Variants in CSMD1 observed in about 807,000 individuals in gnomAD.
CSMD1 encodes the protein CUB and Sushi multiple domains 1, also known as CUB and sushi domain-containing protein 1.
CSMD1 carries 213 observed loss-of-function variants against 417.5 expected under a neutral mutation model. That is an observed-to-expected ratio of 0.51 (90% confidence interval 0.46 to 0.57). The LOEUF (loss-of-function observed/expected upper bound fraction) is 0.57, where lower values mean the gene tolerates loss of function less well. Ranked by LOEUF, CSMD1 falls within the 20% of genes least tolerant of loss-of-function variation. The pLI, the probability that CSMD1 is intolerant of heterozygous loss-of-function variation, is 0.00. For missense variants in CSMD1, 6,923 were observed against 4,529.7 expected (o/e 1.53, Z -15.17); for synonymous variants, 2,862 against 1,736.8 (o/e 1.65, Z -16.11).
chr8:4,828,482 G>C (rs1030043143), intron 1 of CSMD1, among the ~76,000 whole-genome samples: 4 of 152,192 alleles, frequency 2.6e-5, no homozygotes, highest in East Asian at 1.9e-4. Context: ...GCTGTTTTCT[G>C]AGTGTCTTGG....
intron 5 of CSMD1, among the ~76,000 whole-genome samples, chr8:3,951,972 A>C (rs1443243874): frequency 6.6e-6 from 1 of 152,200 alleles, no homozygotes; most frequent in Non-Finnish European, 1.5e-5. Flanking sequence ...ATAATAAAGG[A>C]AATTTTCCCT....
At chr8:4,244,005 A>T (rs1802550627) in intron 3 of CSMD1, among the ~76,000 whole-genome samples, 1 of 152,146 alleles carries the variant, frequency 6.6e-6, no homozygotes, top group Non-Finnish European at 1.5e-5. Context: ...CCTGCCATGG[A>T]GTGGGAAGCT....
At chr8:3,943,939 G>C (rs1000801247) in intron 5 of CSMD1, among the ~76,000 whole-genome samples, 1 of 152,066 alleles carries the variant, frequency 6.6e-6, no homozygotes, top group Admixed American at 6.6e-5. Context: ...CACAATGGTG[G>C]AATGTTAGGT....
intron 3 of CSMD1, among the ~76,000 whole-genome samples, chr8:4,144,835 C>T (rs753141637): frequency 6.6e-6 from 1 of 150,812 alleles, no homozygotes; most frequent in Non-Finnish European, 1.5e-5. Flanking sequence ...CAATCATTCA[C>T]AATGCAGGGA....
chr8:4,681,555 G>A (rs1806054099), intron 1 of CSMD1, among the ~76,000 whole-genome samples: 1 of 152,146 alleles, frequency 6.6e-6, no homozygotes, highest in African/African-American at 2.4e-5. Flanking sequence ...TGTTAGTTGT[G>A]CTTTCTGGTG....
chr8:3,846,373 G>A (rs989091699), intron 5 of CSMD1, among the ~76,000 whole-genome samples: 3 of 152,066 alleles, frequency 2.0e-5, no homozygotes, highest in Non-Finnish European at 4.4e-5. Flanking sequence ...GTCTTTATGT[G>A]GTGCATGACT....
At chr8:4,343,103 G>C (rs948420777) in intron 3 of CSMD1, among the ~76,000 whole-genome samples, 10 of 151,986 alleles carry the variant, frequency 6.6e-5, no homozygotes, top group African/African-American at 2.2e-4. Flanking sequence ...AAGGGATATG[G>C]GGTATTTTAT....
At chr8:3,283,453 G>A (rs1180136052) in intron 26 of CSMD1, among the ~76,000 whole-genome samples, 1 of 151,100 alleles carries the variant, frequency 6.6e-6, no homozygotes, top group Non-Finnish European at 1.5e-5. Flanking sequence ...TTTTTTTTAT[G>A]TAACTAAGTA....
At chr8:4,884,222 TAC>T (rs1162935233) in intron 1 of CSMD1, among the ~76,000 whole-genome samples, 4 of 151,898 alleles carry the variant, frequency 2.6e-5, no homozygotes, top group Admixed American at 6.6e-5. Context: ...TGTGTGTGTG[TAC>T]ACACACACAT....
chr8:4,097,271 A>G (rs145471767), intron 3 of CSMD1, among the ~76,000 whole-genome samples: 73 of 152,326 alleles, frequency 4.8e-4, no homozygotes, highest in African/African-American at 1.7e-3. Context: ...AAACTAGATT[A>G]CAGTCTAAGC....
intron 2 of CSMD1, among the ~76,000 whole-genome samples, chr8:4,618,080 T>G (rs977007846): frequency 1.3e-5 from 2 of 152,198 alleles, no homozygotes; most frequent in African/African-American, 4.8e-5. Flanking sequence ...TCATGCTGAA[T>G]TTTTTGGTAC....
At chr8:4,731,283 C>T (rs562218819) in intron 1 of CSMD1, among the ~76,000 whole-genome samples, 1 of 152,248 alleles carries the variant, frequency 6.6e-6, no homozygotes, top group African/African-American at 2.4e-5. Context: ...TAGAGGCCAC[C>T]TTCCTCATGG....
In CSMD1 at chr8:3,204,496, G is replaced by GAAC. The variant is rs1563140031; in HGVS notation, c.4984+1005_4984+1007dup. 2.0e-5 allele frequency among the ~76,000 whole-genome samples: 3 copies of GAAC among 152,170 alleles called. No homozygotes were observed. In the East Asian group the frequency reaches 5.8e-4, roughly 29 times the overall value. On this transcript the variant is annotated intron_variant, in intron 31 of 69. Transcript: ENST00000635120. ...GGTCCAACTTAAAATTTGGAATCCA[G>GAAC]AACCCATTTTAAGTATTACTGCCCA...
chr8:4,705,184 G>C (rs1207320785), intron 1 of CSMD1, among the ~76,000 whole-genome samples: 2 of 152,058 alleles, frequency 1.3e-5, no homozygotes, highest in African/African-American at 4.8e-5. Context: ...AGTTTCCTGA[G>C]GCCTTCCCAC....
intron 2 of CSMD1, among the ~76,000 whole-genome samples, chr8:4,630,154 T>G (rs537084501): frequency 6.6e-6 from 1 of 152,314 alleles, no homozygotes; most frequent in South Asian, 2.1e-4. Context: ...AACTTCCTCA[T>G]AGTATTGCAA....
intron 3 of CSMD1, among the ~76,000 whole-genome samples, chr8:4,192,951 C>T (rs1046782563): frequency 1.3e-5 from 2 of 152,184 alleles, no homozygotes; most frequent in Non-Finnish European, 2.9e-5. Flanking sequence ...TGGTGCTACC[C>T]TTCCTATTTT....
chr8:3,734,496 A>T (rs1370446669), intron 6 of CSMD1, among the ~76,000 whole-genome samples: 1 of 152,206 alleles, frequency 6.6e-6, no homozygotes, highest in Non-Finnish European at 1.5e-5. Flanking sequence ...GGATCCCTTG[A>T]CGTCAGGAGT....
intron 12 of CSMD1, among the ~76,000 whole-genome samples, chr8:3,439,320 T>A (rs1250789723): frequency 1.5e-5 from 2 of 133,818 alleles, no homozygotes; most frequent in Non-Finnish European, 3.2e-5. Flanking sequence ...TTTTTTTTTT[T>A]AATATGTATT....
At chr8:4,183,229 G>T (rs908843911) in intron 3 of CSMD1, among the ~76,000 whole-genome samples, 1 of 152,080 alleles carries the variant, frequency 6.6e-6, no homozygotes, top group Non-Finnish European at 1.5e-5. Flanking sequence ...AAATGGAGAA[G>T]ATCATCTCTA....
Sources: gnomAD v4.1 joint callset for allele counts (sites outside exome capture counted in the v4.1 genomes callset) on GRCh38, gnomAD v4.1.1 for gene constraint, MANE v1.5 for transcripts, NCBI Gene and HGNC (gene_info 2026-07-23, HGNC 2026-07-21) for gene names.